ARID3B: variants seen among roughly 807,000 people sequenced by gnomAD.
ARID3B encodes AT-rich interactive domain-containing protein 3B.
In ARID3B, 10 loss-of-function variants were observed where a neutral mutation model predicts 51.9. The ratio of observed to expected loss-of-function variants is 0.19; its 90% CI spans 0.12 to 0.33. The LOEUF (loss-of-function observed/expected upper bound fraction) is 0.33. Ranked by LOEUF, ARID3B falls within the 10% of genes least tolerant of loss-of-function variation. ARID3B has a pLI of 1.00. For synonymous variants in ARID3B, 205 were observed against 279.5 expected (o/e 0.73, Z 2.66); for missense variants, 483 against 716.3 (o/e 0.67, Z 3.72).
chr15:74,558,178 CTTT>C (rs1208034661), intron 2 of ARID3B, among the ~76,000 whole-genome samples: 5 of 104,662 alleles, frequency 4.8e-5, no homozygotes, highest in Admixed American at 1.0e-4. Flanking sequence ...TGGTTTGTGT[CTTT>C]TTTTTTTTTT....
chr15:74,555,547 G>C (rs1168739649), intron 2 of ARID3B, among the ~76,000 whole-genome samples: 1 of 151,992 alleles, frequency 6.6e-6, no homozygotes, highest in African/African-American at 2.4e-5. Context: ...GCCTAAGCTG[G>C]TCTCAAAACT....
Position 74,541,235 on chromosome 15 carries a change from G to GC in ARID3B, c.-168dup, listed in dbSNP as rs1567112941. Reference sequence around the variant, plus strand: ...CGGTGCGGGCCCCGCCCCGGCTGTGGCCCCCGGCTGCGGAGGAGTCCGAGA... The same window carrying GC: ...CGGTGCGGGCCCCGCCCCGGCTGTGGCCCCCCGGCTGCGGAGGAGTCCGAGA... On this transcript the variant is annotated 5_prime_UTR_variant, in exon 1 of 9. Transcript: ENST00000346246. 1 of 151,478 alleles carries GC rather than the reference G, an allele frequency of 6.6e-6. No individual in the cohort carries two copies. The highest frequency in any genetic ancestry group is 2.4e-5 in the African/African-American group (1 of 41,300). 9.4% of individuals were successfully genotyped at this position (151,478 alleles called of 1,614,324 possible). A position where few individuals can be genotyped will look rare whatever the true frequency, so the allele number is the denominator to read the frequency against.
rs2061800861 is a variant in ARID3B, at chr15:74,591,059, A to G, written c.882-92A>G. The G allele has an allele frequency of 6.6e-7, 1 of 1,514,030 alleles. No homozygotes were observed. Among genetic ancestry groups the G allele is most frequent in the Non-Finnish European group, 8.9e-7 (1 of 1,129,528 alleles). 93.8% of individuals were successfully genotyped at this position (1,514,030 alleles called of 1,614,324 possible). A position where few individuals can be genotyped will look rare whatever the true frequency, so the allele number is the denominator to read the frequency against. On this transcript the variant is annotated intron_variant, in intron 5 of 8. Transcript: ENST00000346246. This position sits in a 1 kb window ranked among gnomAD's most constrained non-coding sequence, Gnocchi z 5.8. ...ATCCTTTGCCCTAGAGTCCTGCCCAACAGAGACTGCTTCCAGAGACCCACC... is the reference window on the plus strand; with the variant it reads ...ATCCTTTGCCCTAGAGTCCTGCCCAGCAGAGACTGCTTCCAGAGACCCACC...
chr15:74,548,117 A>G (rs945281319), intron 2 of ARID3B, among the ~76,000 whole-genome samples: 6 of 152,216 alleles, frequency 3.9e-5, no homozygotes, highest in South Asian at 2.1e-4. Flanking sequence ...TCAGATTCCT[A>G]TGGGCAGAGT....
chr15:74,548,818 T>C (rs1350479601), intron 2 of ARID3B, among the ~76,000 whole-genome samples: 3 of 152,216 alleles, frequency 2.0e-5, no homozygotes, highest in East Asian at 3.9e-4. Flanking sequence ...CCATGTTAGA[T>C]GGGCACTGGG....
In ARID3B at chr15:74,595,784, C is replaced by T; in HGVS notation, c.*10C>T. On this transcript the variant is annotated 3_prime_UTR_variant, in exon 9 of 9. Coordinates refer to ENST00000346246, the MANE Select transcript of ARID3B (RefSeq NM_006465.4). The stretch of plus-strand genomic sequence containing the variant: ...CAGCTGGTCCCTCTGATGGGCAGGA[C>T]CCAGCTTCCCACTTGCCACTCTCCT... 1.2e-6 allele frequency: 2 copies of T among 1,600,176 alleles called. No individual in the cohort carries two copies. The highest frequency in any genetic ancestry group is 8.5e-7 in the Non-Finnish European group (1 of 1,171,790).
chr15:74,565,437 G>T (rs1156983225), intron 2 of ARID3B, among the ~76,000 whole-genome samples: 1 of 152,192 alleles, frequency 6.6e-6, no homozygotes, highest in African/African-American at 2.4e-5. Context: ...GTTTCTGAGA[G>T]GTTCCAAAAT....
intron 4 of ARID3B, among the ~76,000 whole-genome samples, chr15:74,577,408 T>A (rs1424128581): frequency 6.6e-6 from 1 of 151,740 alleles, no homozygotes; most frequent in Non-Finnish European, 1.5e-5. Context: ...TGAGCCAAGA[T>A]CGCACCATTG....
chr15:74,579,765 T>C (rs2061752239), intron 4 of ARID3B, among the ~76,000 whole-genome samples: 1 of 152,090 alleles, frequency 6.6e-6, no homozygotes, highest in Admixed American at 6.5e-5. Context: ...CCCGCCAGAA[T>C]ATTTCTCTAG....
In ARID3B at chr15:74,557,337, G is replaced by GCCACCT. The variant is rs1382594914; in HGVS notation, c.552+12851_552+12852insACCTCC. 5.9e-5 allele frequency among the ~76,000 whole-genome samples: 9 copies of GCCACCT among 151,760 alleles called. No homozygotes were observed. The East Asian group carries it at 1.8e-3, about 30-fold the overall frequency. The stretch of plus-strand genomic sequence containing the variant: ...AGGCTGAGGTGGGAGGATCTCTTGA[G>GCCACCT]CCCAAGAGATGGAGGCTGCAGTGAG... On this transcript the variant is annotated intron_variant, in intron 2 of 8. Transcript: ENST00000346246.
At chr15:74,550,732 G>A (rs1267033210) in intron 2 of ARID3B, among the ~76,000 whole-genome samples, 1 of 151,446 alleles carries the variant, frequency 6.6e-6, no homozygotes, top group Non-Finnish European at 1.5e-5. Context: ...AAAGAAAAAA[G>A]ACCCTGCTTC....
Position 74,596,326 on chromosome 15 carries a change from C to T in ARID3B, c.*552C>T. ...TTAGGTTCCTGGGGTACGGGTCCCTCAAACACAAGTCTTGAATCAGTCCTC... is the reference window on the plus strand; with the variant it reads ...TTAGGTTCCTGGGGTACGGGTCCCTTAAACACAAGTCTTGAATCAGTCCTC... On this transcript the variant is annotated 3_prime_UTR_variant, in exon 9 of 9. Coordinates refer to ENST00000346246, the MANE Select transcript of ARID3B (RefSeq NM_006465.4). The T allele has an allele frequency of 4.3e-6, 1 of 233,778 alleles. No homozygotes were observed. Among genetic ancestry groups the T allele is most frequent in the African/African-American group, 2.2e-5 (1 of 45,440 alleles). 14.5% of individuals were successfully genotyped at this position (233,778 alleles called of 1,614,324 possible).
In ARID3B at chr15:74,563,024, C is replaced by T. The variant is rs150022435; in HGVS notation, c.553-9838C>T. 3.0e-3 allele frequency among the ~76,000 whole-genome samples: 454 copies of T among 152,294 alleles called. 2 individuals are homozygous for T. Among genetic ancestry groups the T allele is most frequent in the Non-Finnish European group, 5.2e-3 (351 of 68,020 alleles). The stretch of plus-strand genomic sequence containing the variant: ...TCTTTTAAGTGTGTTCTGATTTTCC[C>T]CCCAGATTATTCACTTAGCTTGTGC... On this transcript the variant is annotated intron_variant, in intron 2 of 8. Transcript: ENST00000346246.
intron 2 of ARID3B, among the ~76,000 whole-genome samples, chr15:74,566,462 G>T (rs995299102): frequency 1.3e-5 from 2 of 151,952 alleles, no homozygotes; most frequent in Non-Finnish European, 2.9e-5. Context: ...AATTAGCTGG[G>T]CATGGTGGCG....
At chr15:74,557,613 C>T (rs546508532) in intron 2 of ARID3B, among the ~76,000 whole-genome samples, 2 of 152,040 alleles carry the variant, frequency 1.3e-5, no homozygotes, top group East Asian at 3.9e-4. Context: ...CTTTTTCTAG[C>T]TTTTTATTTA....
At chr15:74,589,097 G>A (rs754824950) in intron 4 of ARID3B, among the ~76,000 whole-genome samples, 2 of 132,752 alleles carry the variant, frequency 1.5e-5, no homozygotes, top group East Asian at 4.9e-4. Context: ...GTGTGATCTC[G>A]GCTCACTGCA....
intron 4 of ARID3B, among the ~76,000 whole-genome samples, chr15:74,579,909 A>C (rs1467031595): frequency 6.6e-6 from 1 of 150,758 alleles, no homozygotes; most frequent in Non-Finnish European, 1.5e-5. Flanking sequence ...CACACGTTTC[A>C]GCTGGACGCA....
At position 74,544,198 on chromosome 15, in the gene ARID3B, A is replaced by T; in HGVS notation, c.262A>T (p.Asn88Tyr). The T allele has an allele frequency of 1.2e-6, 2 of 1,614,040 alleles. No individual in the cohort carries two copies. The highest frequency in any genetic ancestry group is 1.7e-6 in the Non-Finnish European group (2 of 1,179,874). The change falls in exon 2 of 9, where the codon AAC becomes TAC. Residue 88 changes from asparagine to tyrosine, a missense_variant. By Grantham distance (143) the Asn-to-Tyr change is moderately radical (BLOSUM62 -2). Around this residue, in one of 3 missense-constraint regions of ARID3B, gnomAD observed 182 missense variants for 244.5 expected, o/e 0.74. Coordinates refer to ENST00000346246, the MANE Select transcript of ARID3B (RefSeq NM_006465.4). Reference protein sequence around the residue: ...VAQVFERGNMNSEPEEEDGGL... With the variant: ...VAQVFERGNMYSEPEEEDGGL... The stretch of plus-strand genomic sequence containing the variant: ...CCAAGTGTTTGAACGGGGCAACATG[A>T]ACTCAGAGCCTGAGGAAGAGGACGG...
chr15:74,550,130 T>C (rs2061631040), intron 2 of ARID3B, among the ~76,000 whole-genome samples: 1 of 152,168 alleles, frequency 6.6e-6, no homozygotes, highest in Admixed American at 6.6e-5. Context: ...CTCATGTCTT[T>C]CCTCTAGTCA....
Sources: allele counts gnomAD v4.1 joint callset (sites outside exome capture counted in the v4.1 genomes callset), GRCh38; gene constraint gnomAD v4.1.1; regional missense constraint gnomAD v4.1.1; non-coding constraint Gnocchi (gnomAD v3.1); transcripts MANE v1.5; gene names NCBI Gene and HGNC (gene_info 2026-07-23, HGNC 2026-07-21).